TIAM1: variants seen among roughly 807,000 people sequenced by gnomAD.
TIAM1 encodes the protein TIAM Rac1 associated GEF 1.
A neutral mutation model predicts 163.5 loss-of-function variants in TIAM1; 65 were observed. That is an observed-to-expected ratio of 0.40 (90% confidence interval 0.33 to 0.49). TIAM1 has a LOEUF of 0.49. Among genes scored for constraint, TIAM1 ranks in the 20% least tolerant of loss-of-function variants. The probability of loss-of-function intolerance (pLI) is 0.77; values close to 1 mark genes in which losing one functional copy is unlikely to be tolerated. For synonymous variants in TIAM1, 833 were observed against 810.1 expected (o/e 1.03, Z -0.48); for missense variants, 1,789 against 2,044.7 (o/e 0.87, Z 2.41).
Position 31,120,251 on chromosome 21 carries a change from A to T in TIAM1, c.*117T>A. The stretch of plus-strand genomic sequence containing the variant: ...TGGCTTCAGAACCAAGTCAGCTGCC[A>T]AAACCGTGTGTGCAAGAGCGCGACC... On this transcript the variant is annotated 3_prime_UTR_variant, in exon 28 of 28. Coordinates refer to ENST00000541036, the MANE Select transcript of TIAM1 (RefSeq NM_001353694.2). The surrounding 1 kb of genome is among the most constrained non-coding windows in gnomAD (Gnocchi z 4.2). The T allele has an allele frequency of 9.2e-7, 1 of 1,087,560 alleles. No homozygotes were observed. The highest frequency in any genetic ancestry group is 1.3e-6 in the Non-Finnish European group (1 of 774,802). The allele number at this position is 1,087,560 out of a possible 1,614,324, so 67.4% of individuals were successfully genotyped here.
chr21:31,442,170 G>A (rs746537836), intron 2 of TIAM1, among the ~76,000 whole-genome samples: 16 of 146,358 alleles, frequency 1.1e-4, no homozygotes, highest in African/African-American at 3.5e-4. Context: ...TTACAGCCAA[G>A]GAGTGAAGCT....
At chr21:31,195,701 C>G (rs2085812559) in intron 12 of TIAM1, among the ~76,000 whole-genome samples, 1 of 152,128 alleles carries the variant, frequency 6.6e-6, no homozygotes, top group Non-Finnish European at 1.5e-5. Flanking sequence ...TGCTTCCATT[C>G]AAAAAGTTCA....
chr21:31,367,925 C>G (rs1302138667), intron 2 of TIAM1, among the ~76,000 whole-genome samples: 1 of 152,074 alleles, frequency 6.6e-6, no homozygotes, highest in Non-Finnish European at 1.5e-5. Context: ...TCATGGACCA[C>G]AAAAGAAGAC....
chr21:31,535,806 T>C (rs1022727692), intron 1 of TIAM1, among the ~76,000 whole-genome samples: 11 of 152,188 alleles, frequency 7.2e-5, no homozygotes, highest in Admixed American at 4.6e-4. Context: ...ACATCCACCG[T>C]GTGACACTTG....
chr21:31,297,061 G>C (rs1050587421), intron 2 of TIAM1, among the ~76,000 whole-genome samples: 1 of 152,132 alleles, frequency 6.6e-6, no homozygotes, highest in Non-Finnish European at 1.5e-5. Context: ...CTAGAGGAAC[G>C]TTCTAGGGAT....
rs1293978832 is a variant in TIAM1, at chr21:31,152,999, T to C, written c.3240+67A>G. ...TTTCAGTGTTACGCATGTCCCCATT[T>C]TTCCTCTTTACCAACAAGTCAAACC... On this transcript the variant is annotated intron_variant, in intron 18 of 27. Coordinates refer to ENST00000541036, the MANE Select transcript of TIAM1 (RefSeq NM_001353694.2). 8.8e-6 allele frequency: 13 copies of C among 1,474,440 alleles called. No individual in the cohort carries two copies. In the African/African-American group the frequency reaches 1.9e-4, roughly 21 times the overall value. 91.3% of individuals were successfully genotyped at this position (1,474,440 alleles called of 1,614,324 possible). A position where few individuals can be genotyped will look rare whatever the true frequency, so the allele number is the denominator to read the frequency against.
At chr21:31,198,119 C>A (rs2085978966) in intron 12 of TIAM1, among the ~76,000 whole-genome samples, 1 of 152,156 alleles carries the variant, frequency 6.6e-6, no homozygotes, top group Admixed American at 6.6e-5. Context: ...AAAAACGTGG[C>A]CGTTAGCACT....
chr21:31,402,540 T>C (rs1246858760), intron 2 of TIAM1, among the ~76,000 whole-genome samples: 2 of 152,230 alleles, frequency 1.3e-5, no homozygotes, highest in Admixed American at 1.3e-4. Context: ...CCATATCCCT[T>C]CAGTAACACC....
intron 2 of TIAM1, among the ~76,000 whole-genome samples, chr21:31,391,496 G>A (rs2076964528): frequency 6.6e-6 from 1 of 152,086 alleles, no homozygotes; most frequent in Non-Finnish European, 1.5e-5. Flanking sequence ...GTGGTGGCAG[G>A]CGCCTATAAT....
intron 2 of TIAM1, among the ~76,000 whole-genome samples, chr21:31,421,360 C>A (rs1291784059): frequency 6.6e-6 from 1 of 152,110 alleles, no homozygotes; most frequent in Non-Finnish European, 1.5e-5. Context: ...GCAGGGGTCC[C>A]TAACCCTCGG....
intron 1 of TIAM1, among the ~76,000 whole-genome samples, chr21:31,473,451 A>C (rs112597358): frequency 0.034 from 2,990 of 87,552 alleles, 175 homozygotes; most frequent in African/African-American, 0.13. Context: ...AAAAAAAAAA[A>C]AAAAAAAAAA....
chr21:31,174,036 C>T (rs1247898274), intron 15 of TIAM1, among the ~76,000 whole-genome samples: 1 of 152,198 alleles, frequency 6.6e-6, no homozygotes, highest in Non-Finnish European at 1.5e-5. Context: ...GACAAACAAA[C>T]AGAGGACCAT....
chr21:31,384,784 C>G (rs2076837489), intron 2 of TIAM1, among the ~76,000 whole-genome samples: 1 of 152,294 alleles, frequency 6.6e-6, no homozygotes, highest in Non-Finnish European at 1.5e-5. Flanking sequence ...ACTAATGGAA[C>G]AGGAAACCAT....
chr21:31,425,190 G>A (rs1354028537), intron 2 of TIAM1, among the ~76,000 whole-genome samples: 4 of 152,096 alleles, frequency 2.6e-5, no homozygotes, highest in South Asian at 2.1e-4. Context: ...TCTCTTCCAC[G>A]GTGGCCCTTC....
At chr21:31,448,375 C>T (rs560850) in intron 2 of TIAM1, among the ~76,000 whole-genome samples, 123,793 of 152,058 alleles carry the variant, frequency 0.81, 50,699 homozygotes, top group East Asian at 0.91. Context: ...GAGGAGGAGG[C>T]GGGCGGATCA....
intron 2 of TIAM1, among the ~76,000 whole-genome samples, chr21:31,394,751 C>T (rs1427987331): frequency 6.6e-6 from 1 of 151,272 alleles, no homozygotes; most frequent in Non-Finnish European, 1.5e-5. Flanking sequence ...CACACACACA[C>T]ACACACACAC....
At chr21:31,197,539 C>CTTTTTTTTTTTTTTTTT (rs58141765) in intron 12 of TIAM1, among the ~76,000 whole-genome samples, 1 of 123,260 alleles carries the variant, frequency 8.1e-6, no homozygotes. Context: ...CCGCGCCCGG[C>CTTTTTTTTTTTTTTTTT]TTTTTTTTTT....
At chr21:31,323,156 T>C (rs1345718180) in intron 2 of TIAM1, among the ~76,000 whole-genome samples, 1 of 151,666 alleles carries the variant, frequency 6.6e-6, no homozygotes, top group Non-Finnish European at 1.5e-5. Context: ...GTCATGGTGG[T>C]GCCCGCCTGT....
chr21:31,381,599 C>T (rs1470770494), intron 2 of TIAM1, among the ~76,000 whole-genome samples: 2 of 152,088 alleles, frequency 1.3e-5, no homozygotes, highest in Admixed American at 6.6e-5. Flanking sequence ...ACATGGGAGG[C>T]GGAGGTTGCA....
Sources: allele counts gnomAD v4.1 joint callset (sites outside exome capture counted in the v4.1 genomes callset), GRCh38; gene constraint gnomAD v4.1.1; non-coding constraint Gnocchi (gnomAD v3.1); transcripts MANE v1.5; gene names NCBI Gene and HGNC (gene_info 2026-07-23, HGNC 2026-07-21).